PTPRN2: variants seen among roughly 807,000 people sequenced by gnomAD.
PTPRN2 encodes the protein protein tyrosine phosphatase receptor type N2.
Under a neutral mutation model 118.8 loss-of-function variants are expected in PTPRN2, and 74 were observed. The ratio of observed to expected loss-of-function variants is 0.62; its 90% CI spans 0.52 to 0.76. The LOEUF is 0.76. Among genes scored for constraint, PTPRN2 ranks in the 30% least tolerant of loss-of-function variants. The pLI, the probability that PTPRN2 is intolerant of heterozygous loss-of-function variation, is 0.00. For synonymous variants in PTPRN2, 641 were observed against 608.0 expected (o/e 1.05, Z -0.80); for missense variants, 1,481 against 1,394.4 (o/e 1.06, Z -0.99).
chr7:158,333,132 T>A, intron 2 of PTPRN2, among the ~76,000 whole-genome samples: 1 of 110,276 alleles, frequency 9.1e-6, no homozygotes, highest in Admixed American at 8.1e-5. Flanking sequence ...CAGACATCAC[T>A]CACACCCACA....
At chr7:157,818,937 G>A (rs903654630) in intron 12 of PTPRN2, among the ~76,000 whole-genome samples, 3 of 151,738 alleles carry the variant, frequency 2.0e-5, no homozygotes, top group Non-Finnish European at 2.9e-5. Flanking sequence ...CCAGGCACCC[G>A]TGACAACTGC....
intron 21 of PTPRN2, among the ~76,000 whole-genome samples, chr7:157,562,977 T>G (rs1799279313): frequency 9.1e-6 from 1 of 109,558 alleles, no homozygotes; most frequent in Non-Finnish European, 1.8e-5. Flanking sequence ...TGCTCCCGCT[T>G]CACCACACAC....
chr7:158,019,227 G>A (rs112863415), intron 11 of PTPRN2, among the ~76,000 whole-genome samples: 6 of 152,366 alleles, frequency 3.9e-5, no homozygotes, highest in African/African-American at 1.2e-4. Context: ...GGGCCTCCCC[G>A]ATCCTGGGGC....
chr7:158,445,262 C>A (rs1443534650), intron 2 of PTPRN2, among the ~76,000 whole-genome samples: 3 of 152,204 alleles, frequency 2.0e-5, no homozygotes, highest in Non-Finnish European at 4.4e-5. Context: ...GCTGACTCGG[C>A]CCTGAGCTTG....
chr7:158,040,795 C>T (rs1250133213), intron 11 of PTPRN2, among the ~76,000 whole-genome samples: 2 of 141,326 alleles, frequency 1.4e-5, no homozygotes, highest in South Asian at 4.3e-4. Flanking sequence ...TGCAATGGCA[C>T]AATCTCAGCT....
chr7:158,377,649 G>A (rs1473369203), intron 2 of PTPRN2, among the ~76,000 whole-genome samples: 3 of 152,216 alleles, frequency 2.0e-5, no homozygotes, highest in Admixed American at 2.0e-4. Flanking sequence ...CAAGAGGAAT[G>A]AAAATGGAGT....
intron 12 of PTPRN2, among the ~76,000 whole-genome samples, chr7:157,696,220 C>T (rs1403575641): frequency 2.5e-4 from 36 of 144,302 alleles, no homozygotes; most frequent in Non-Finnish European, 2.4e-4. Flanking sequence ...CTTGGCAGAG[C>T]CCTCACCATC....
intron 14 of PTPRN2, among the ~76,000 whole-genome samples, chr7:157,625,436 C>T (rs376430775): frequency 8.5e-5 from 13 of 152,096 alleles, no homozygotes; most frequent in Non-Finnish European, 1.6e-4. Flanking sequence ...TGCAGTGACC[C>T]GGATGAGACT....
intron 1 of PTPRN2, among the ~76,000 whole-genome samples, chr7:158,538,416 G>A (rs1026733799): frequency 3.9e-5 from 6 of 152,216 alleles, no homozygotes; most frequent in East Asian, 1.9e-4. Flanking sequence ...GACCTCCAGC[G>A]TGTGTCTACT....
rs1014061837 is a variant in PTPRN2 at position 158,020,871 on chromosome 7, C to G, written c.1723+60427G>C. On this transcript the variant is annotated intron_variant, in intron 11 of 22. Transcript: ENST00000389418. ...ACCTTCTTCTTCCAAGGCCCTGGTC[C>G]TGCCGGAAGTGTGGATGCCGTCCTC... Among the ~76,000 whole-genome samples, 6 of 152,310 alleles carry G rather than the reference C, an allele frequency of 3.9e-5. No homozygotes were observed. In the East Asian group the frequency reaches 1.2e-3, roughly 29 times the overall value.
At chr7:157,582,779 C>A (rs1800465119) in intron 17 of PTPRN2, among the ~76,000 whole-genome samples, 1 of 151,746 alleles carries the variant, frequency 6.6e-6, no homozygotes, top group Non-Finnish European at 1.5e-5. Flanking sequence ...GAGGCTGAGG[C>A]AGGAGAACCT....
intron 1 of PTPRN2, among the ~76,000 whole-genome samples, chr7:158,552,980 G>T (rs1285854182): frequency 2.0e-5 from 3 of 151,716 alleles, no homozygotes; most frequent in Non-Finnish European, 2.9e-5. Flanking sequence ...ACACACACAG[G>T]CTTGAGAGTC....
chr7:158,326,321 G>A (rs953482422), intron 2 of PTPRN2, among the ~76,000 whole-genome samples: 5 of 152,236 alleles, frequency 3.3e-5, no homozygotes, highest in Admixed American at 6.5e-5. Context: ...TTCTTCATCC[G>A]AGACATCGCT....
At chr7:158,105,550 A>G (rs1293257163) in intron 10 of PTPRN2, among the ~76,000 whole-genome samples, 1 of 150,990 alleles carries the variant, frequency 6.6e-6, no homozygotes, top group Non-Finnish European at 1.5e-5. Flanking sequence ...CAAGGCTTCA[A>G]TAATCCCCAG....
chr7:158,071,602 TG>T (rs1215721849), intron 11 of PTPRN2, among the ~76,000 whole-genome samples: 2 of 101,338 alleles, frequency 2.0e-5, no homozygotes, highest in Non-Finnish European at 4.2e-5. Context: ...GTGCTCCTGG[TG>T]GAGGTGCTCG....
Position 158,127,351 on chromosome 7 carries a change from GC to G in PTPRN2, c.1556+6325del, listed in dbSNP as rs1817781876. 2.6e-5 allele frequency among the ~76,000 whole-genome samples: 4 copies of G among 152,196 alleles called. No homozygotes were observed. In the South Asian group the frequency reaches 8.3e-4, roughly 32 times the overall value. On this transcript the variant is annotated intron_variant, in intron 9 of 22. Transcript: ENST00000389418. Reference sequence around the variant, plus strand: ...TTGCGCCCTGCATCCTCTGCACGTGGCCCGGGCTCTGCTCCACCTGAGCCCC... The same window carrying G: ...TTGCGCCCTGCATCCTCTGCACGTGGCCGGGCTCTGCTCCACCTGAGCCCC...
intron 1 of PTPRN2, among the ~76,000 whole-genome samples, chr7:158,515,434 G>A (rs1312493525): frequency 2.6e-5 from 4 of 152,018 alleles, no homozygotes; most frequent in Admixed American, 2.6e-4. Context: ...TGATCAGCCC[G>A]CCTCAGCCTC....
intron 12 of PTPRN2, among the ~76,000 whole-genome samples, chr7:157,815,596 T>C (rs1806344468): frequency 6.6e-6 from 1 of 152,056 alleles, no homozygotes; most frequent in African/African-American, 2.4e-5. Context: ...GTCATGGGAG[T>C]TGGCCCTAGT....
chr7:157,708,976 C>T (rs1254355314), intron 12 of PTPRN2, among the ~76,000 whole-genome samples: 1 of 152,194 alleles, frequency 6.6e-6, no homozygotes, highest in Non-Finnish European at 1.5e-5. Flanking sequence ...ATAACTGTCA[C>T]CTGGGAACCG....
Sources: allele counts gnomAD v4.1 joint callset (sites outside exome capture counted in the v4.1 genomes callset), GRCh38; gene constraint gnomAD v4.1.1; transcripts MANE v1.5; gene names NCBI Gene and HGNC (gene_info 2026-07-23, HGNC 2026-07-21).